GARS1: variants seen among roughly 807,000 people sequenced by gnomAD.
The protein encoded by GARS1 is glycyl-tRNA synthetase 1, also known as glycine--tRNA ligase.
Under a neutral mutation model 86.4 loss-of-function variants are expected in GARS1, and 46 were observed. The observed-to-expected ratio is 0.53, with a 90% CI of 0.42 to 0.68. The LOEUF (loss-of-function observed/expected upper bound fraction) is 0.68, where lower values mean the gene tolerates loss of function less well. Among genes scored for constraint, GARS1 ranks in the 30% least tolerant of loss-of-function variants. The pLI is 0.00. For synonymous variants in GARS1, 342 were observed against 329.8 expected, an observed-to-expected ratio of 1.04 and a Z score of -0.40; for missense variants, 797 against 915.6, an observed-to-expected ratio of 0.87 and a Z score of 1.67.
chr7:30,597,492 C>T (rs183914449), intron 1 of GARS1, among the ~76,000 whole-genome samples: 65 of 152,194 alleles, frequency 4.3e-4, no homozygotes, highest in South Asian at 4.1e-3. Flanking sequence ...TTACCCAGAA[C>T]GTCATATTAC....
intron 4 of GARS1, 148 bp from the exon 5 acceptor site, chr7:30,602,886 T>A: frequency 1.5e-6 from 1 of 689,306 alleles, no homozygotes; most frequent in Non-Finnish European, 2.7e-6. Flanking sequence ...CTGGCATCCA[T>A]TACTGTCATG....
chr7:30,609,557 T>C (rs769300485), intron 6 of GARS1, 28 bp from the exon 7 acceptor site: 117 of 1,600,330 alleles, frequency 7.3e-5, no homozygotes, highest in South Asian at 4.2e-4. Flanking sequence ...CTCTGTCTTT[T>C]ACACTAATTT....
chr7:30,632,217 T>G lies in GARS1; in HGVS notation c.1904-30T>G. On this transcript the variant is annotated intron_variant, in intron 15 of 16. Transcript: ENST00000389266. This position sits in a 1 kb window ranked among gnomAD's most constrained non-coding sequence, Gnocchi z 4.1. Reference sequence around the variant, plus strand: ...CACTGGGCTTAACTCCATTGTTTTATTTTTAATTTACTTTGTTTATTTTGG... The same window carrying G: ...CACTGGGCTTAACTCCATTGTTTTAGTTTTAATTTACTTTGTTTATTTTGG... The G allele has an allele frequency of 1.2e-6, 2 of 1,610,420 alleles. No individual in the cohort carries two copies. Among genetic ancestry groups the G allele is most frequent in the East Asian group, 2.2e-5 (1 of 44,852 alleles).
intron 12 of GARS1, 101 bp from the exon 13 acceptor site, chr7:30,626,133 T>C (rs1783122393): frequency 1.4e-6 from 1 of 699,808 alleles, no homozygotes; most frequent in Non-Finnish European, 2.6e-6. Context: ...TTGATCAAGT[T>C]ATAAAAAGAA....
chr7:30,605,458 A>G (rs1011885487), intron 6 of GARS1, among the ~76,000 whole-genome samples: 1 of 152,220 alleles, frequency 6.6e-6, no homozygotes, highest in South Asian at 2.1e-4. Context: ...ACCCTGCTTC[A>G]CTGTTAGATT....
At chr7:30,618,329 A>G (rs1337360160) in intron 10 of GARS1, among the ~76,000 whole-genome samples, 1 of 152,136 alleles carries the variant, frequency 6.6e-6, no homozygotes, top group Non-Finnish European at 1.5e-5. Context: ...TGTAAAAAAC[A>G]GCTTTTAAAA....
intron 7 of GARS1, among the ~76,000 whole-genome samples, chr7:30,611,872 C>G (rs1233521281): frequency 1.3e-5 from 2 of 152,100 alleles, no homozygotes; most frequent in Non-Finnish European, 2.9e-5. Flanking sequence ...AATGGCATTG[C>G]CAAAGTAGTA....
intron 7 of GARS1, among the ~76,000 whole-genome samples, chr7:30,610,595 G>C (rs1002206131): frequency 1.3e-5 from 2 of 152,184 alleles, no homozygotes; most frequent in African/African-American, 4.8e-5. Context: ...ATATTTCATG[G>C]AAAGAGGCCA....
chr7:30,633,908 A>C lies in GARS1; in HGVS notation c.*48A>C, dbSNP rs549864529. On this transcript the variant is annotated 3_prime_UTR_variant, in exon 17 of 17. Transcript: ENST00000389266. ...CCACTTGCGCTAATAAAAAAAAAAA[A>C]AAACTACTCTTATGTCCACTTTACA... The C allele has an allele frequency of 3.0e-5, 48 of 1,598,734 alleles. No homozygotes were observed. The highest frequency in any genetic ancestry group is 3.0e-4 in the African/African-American group (22 of 74,356).
chr7:30,610,887 A>G (rs1394085329), intron 7 of GARS1, among the ~76,000 whole-genome samples: 1 of 152,242 alleles, frequency 6.6e-6, no homozygotes, highest in East Asian at 1.9e-4. Context: ...AGTATAAAAT[A>G]GGTAATACAT....
chr7:30,616,110 G>A (rs1440489058), intron 9 of GARS1, 52 bp downstream of exon 9: 4 of 1,589,988 alleles, frequency 2.5e-6, no homozygotes, highest in Admixed American at 3.3e-5. Context: ...AGGGTTTGCA[G>A]CAATTAGCAA....
chr7:30,612,713 T>C (rs1199725168), intron 8 of GARS1, among the ~76,000 whole-genome samples: 1 of 152,102 alleles, frequency 6.6e-6, no homozygotes, highest in Non-Finnish European at 1.5e-5. Context: ...ACTGGAGTTC[T>C]GGAAACAACC....
At position 30,594,899 on chromosome 7, in the gene GARS1, G is replaced by A. The variant is rs1161534549; in HGVS notation, c.-23G>A. ...CGCCGCTTCCGTCGCCACCCTCTCT[G>A]GACAGCCCAGGGCCGCAGGCTCATG... On this transcript the variant is annotated 5_prime_UTR_variant, in exon 1 of 17. Coordinates refer to ENST00000389266, the MANE Select transcript of GARS1 (RefSeq NM_002047.4). 1.3e-6 allele frequency: 2 copies of A among 1,537,168 alleles called. No homozygotes were observed. The highest frequency in any genetic ancestry group is 1.4e-5 in the African/African-American group (1 of 73,280).
intron 11 of GARS1, among the ~76,000 whole-genome samples, chr7:30,621,926 A>G (rs1783016775): frequency 6.6e-6 from 1 of 152,220 alleles, no homozygotes; most frequent in Non-Finnish European, 1.5e-5. Context: ...AATCAGCAAA[A>G]TAGAAATTTT....
intron 8 of GARS1, among the ~76,000 whole-genome samples, chr7:30,614,732 C>T (rs990305669): frequency 6.6e-6 from 1 of 151,870 alleles, no homozygotes; most frequent in African/African-American, 2.4e-5. Flanking sequence ...AAAAATTAGC[C>T]GGGCGTGGTG....
intron 1 of GARS1, among the ~76,000 whole-genome samples, chr7:30,596,980 GT>G (rs1328482399): frequency 1.3e-5 from 2 of 152,182 alleles, no homozygotes; most frequent in African/African-American, 4.8e-5. Flanking sequence ...ATAGAAATTT[GT>G]TAATCTGGAA....
At chr7:30,615,767 A>G (rs1261280585) in intron 8 of GARS1, 129 bp from the exon 9 acceptor site, 1 of 994,956 alleles carries the variant, frequency 1.0e-6, no homozygotes, top group East Asian at 2.7e-5. Flanking sequence ...CTTTCTGTTT[A>G]GTGAAAAAGA....
chr7:30,618,549 ACATGAG>A (rs1782934287), intron 10 of GARS1, among the ~76,000 whole-genome samples: 1 of 152,170 alleles, frequency 6.6e-6, no homozygotes, highest in South Asian at 2.1e-4. Flanking sequence ...TGGGAAGATC[ACATGAG>A]CCCGGGAGGT....
chr7:30,630,517 CTTTTTTTTTT>C (rs758530758), intron 14 of GARS1, among the ~76,000 whole-genome samples: 2 of 131,020 alleles, frequency 1.5e-5, no homozygotes, highest in East Asian at 4.3e-4. Flanking sequence ...TTATTTTCGC[CTTTTTTTTTT>C]TTTTTTTTTG....
Sources: gnomAD v4.1 joint callset for allele counts (sites outside exome capture counted in the v4.1 genomes callset) on GRCh38, gnomAD v4.1.1 for gene constraint, Gnocchi (gnomAD v3.1) non-coding constraint, MANE v1.5 for transcripts, NCBI Gene and HGNC (gene_info 2026-07-23, HGNC 2026-07-21) for gene names.